Variants in NRXN1 observed in about 807,000 individuals in gnomAD.
NRXN1 encodes neurexin-1.
In NRXN1, 39 loss-of-function variants were observed where a neutral mutation model predicts 150.9. The observed-to-expected ratio is 0.26, with a 90% CI of 0.20 to 0.34. The LOEUF (loss-of-function observed/expected upper bound fraction) is 0.34. Ranked by LOEUF, NRXN1 falls within the 10% of genes least tolerant of loss-of-function variation. The probability of loss-of-function intolerance (pLI) is 1.00; values close to 1 mark genes in which losing one functional copy is unlikely to be tolerated. For missense variants in NRXN1, 1,815 were observed against 1,949.9 expected (o/e 0.93, Z 1.30); for synonymous variants, 924 against 757.0 (o/e 1.22, Z -3.62).
At chr2:50,947,238 T>A (rs533430994) in intron 2 of NRXN1, among the ~76,000 whole-genome samples, 4 of 152,202 alleles carry the variant, frequency 2.6e-5, no homozygotes, top group African/African-American at 2.4e-5. Context: ...ACCCTTTTTC[T>A]AGCATTTAGC....
chr2:50,399,865 T>C (rs1326617214), intron 17 of NRXN1, among the ~76,000 whole-genome samples: 5 of 87,472 alleles, frequency 5.7e-5, no homozygotes, highest in South Asian at 8.7e-4. Context: ...CTCAGAAAAA[T>C]ATTATCATTG....
intron 17 of NRXN1, among the ~76,000 whole-genome samples, chr2:50,267,688 C>A (rs184545764): frequency 6.6e-6 from 1 of 152,096 alleles, no homozygotes; most frequent in African/African-American, 2.4e-5. Flanking sequence ...TTATAGGGAA[C>A]GAAAATCTTA....
chr2:50,480,606 T>G (rs2090389791), intron 15 of NRXN1, among the ~76,000 whole-genome samples: 1 of 152,218 alleles, frequency 6.6e-6, no homozygotes, highest in Non-Finnish European at 1.5e-5. Context: ...AATCCTCATC[T>G]GCACTTCCTT....
intron 5 of NRXN1, among the ~76,000 whole-genome samples, chr2:50,670,346 C>T (rs1244115291): frequency 6.6e-6 from 1 of 150,862 alleles, no homozygotes; most frequent in Non-Finnish European, 1.5e-5. Context: ...ATATTTAATG[C>T]TATTTATTTT....
At chr2:50,882,870 CT>C (rs1320761970) in intron 5 of NRXN1, among the ~76,000 whole-genome samples, 2 of 151,612 alleles carry the variant, frequency 1.3e-5, no homozygotes, top group African/African-American at 4.8e-5. Flanking sequence ...GTGTCAGAGG[CT>C]TTTCTATAAA....
intron 17 of NRXN1, among the ~76,000 whole-genome samples, chr2:50,444,360 G>T (rs1044389731): frequency 2.0e-5 from 3 of 152,114 alleles, no homozygotes; most frequent in African/African-American, 7.2e-5. Context: ...CCCTGGTTGT[G>T]ATTAGCCTCT....
chr2:50,475,300 G>A (rs906845548), intron 15 of NRXN1, among the ~76,000 whole-genome samples: 1 of 152,036 alleles, frequency 6.6e-6, no homozygotes, highest in African/African-American at 2.4e-5. Context: ...GAGAGACTGT[G>A]TTTCCCAGAG....
intron 18 of NRXN1, among the ~76,000 whole-genome samples, chr2:50,135,175 T>C (rs948048553): frequency 7.2e-5 from 11 of 152,214 alleles, no homozygotes; most frequent in Non-Finnish European, 1.6e-4. Context: ...AGCAGATTTA[T>C]TGACTCATGT....
intron 2 of NRXN1, among the ~76,000 whole-genome samples, chr2:50,944,141 A>G (rs1689936233): frequency 6.6e-6 from 1 of 152,218 alleles, no homozygotes; most frequent in East Asian, 1.9e-4. Context: ...TAAGCAGTAT[A>G]ATCTGGTACT....
chr2:50,222,764 G>GCACATGAT (rs2063998213), intron 18 of NRXN1, among the ~76,000 whole-genome samples: 1 of 151,766 alleles, frequency 6.6e-6, no homozygotes, highest in South Asian at 2.1e-4. Flanking sequence ...AGAATAGTAT[G>GCACATGAT]CACATGATAA....
intron 18 of NRXN1, among the ~76,000 whole-genome samples, chr2:50,168,179 C>T (rs1479956295): frequency 6.6e-6 from 1 of 152,120 alleles, no homozygotes; most frequent in Non-Finnish European, 1.5e-5. Flanking sequence ...CAGGGATGTT[C>T]ATGATGGACT....
intron 17 of NRXN1, among the ~76,000 whole-genome samples, chr2:50,327,802 A>T (rs1401672169): frequency 6.6e-6 from 1 of 151,968 alleles, no homozygotes; most frequent in Non-Finnish European, 1.5e-5. Flanking sequence ...GGCATGAGCC[A>T]CCTTGCCTGG....
At chr2:50,108,441 C>T (rs1316517552) in intron 18 of NRXN1, among the ~76,000 whole-genome samples, 1 of 152,030 alleles carries the variant, frequency 6.6e-6, no homozygotes, top group Non-Finnish European at 1.5e-5. Context: ...CACAAATTTG[C>T]ACAGTCACTG....
At chr2:51,005,472 GAAATA>G (rs1262626844) in intron 2 of NRXN1, among the ~76,000 whole-genome samples, 1 of 151,802 alleles carries the variant, frequency 6.6e-6, no homozygotes, top group African/African-American at 2.4e-5. Flanking sequence ...AAATGAAAAA[GAAATA>G]AAATATTTAA....
intron 5 of NRXN1, among the ~76,000 whole-genome samples, chr2:50,879,060 T>C (rs1232248237): frequency 6.6e-6 from 1 of 151,950 alleles, no homozygotes; most frequent in East Asian, 1.9e-4. Context: ...TAGATGTAAC[T>C]GGCATCTAAA....
At chr2:50,074,357 C>T (rs1235695747) in intron 19 of NRXN1, among the ~76,000 whole-genome samples, 1 of 151,916 alleles carries the variant, frequency 6.6e-6, no homozygotes, top group Non-Finnish European at 1.5e-5. Flanking sequence ...AAATATAACA[C>T]AAGATTTATG....
intron 18 of NRXN1, among the ~76,000 whole-genome samples, chr2:50,168,222 T>C (rs1331302806): frequency 1.3e-5 from 2 of 152,140 alleles, no homozygotes; most frequent in Admixed American, 6.5e-5. Context: ...CAAGCATGCA[T>C]TGCAAATACT....
At chr2:50,413,580 G>C (rs1298191153) in intron 17 of NRXN1, among the ~76,000 whole-genome samples, 1 of 152,174 alleles carries the variant, frequency 6.6e-6, no homozygotes, top group Non-Finnish European at 1.5e-5. Flanking sequence ...TACACAGTTG[G>C]TGGGAATGTA....
intron 17 of NRXN1, among the ~76,000 whole-genome samples, chr2:50,414,111 A>C (rs1401460432): frequency 6.6e-6 from 1 of 151,972 alleles, no homozygotes; most frequent in Non-Finnish European, 1.5e-5. Context: ...AATAGAAAGA[A>C]TGAATAAGAA....
Sources: gnomAD v4.1 joint callset for allele counts (sites outside exome capture counted in the v4.1 genomes callset) on GRCh38, gnomAD v4.1.1 for gene constraint, MANE v1.5 for transcripts, NCBI Gene and HGNC (gene_info 2026-07-23, HGNC 2026-07-21) for gene names.